Variants in SLC7A14 observed in about 807,000 individuals in gnomAD.
The protein encoded by SLC7A14 is gamma-aminobutyric acid transporter SLC7A14.
SLC7A14 carries 37 observed loss-of-function variants against 60.2 expected under a neutral mutation model. The ratio of observed to expected loss-of-function variants is 0.61; its 90% CI spans 0.47 to 0.81. SLC7A14 has a LOEUF of 0.81. Among genes scored for constraint, SLC7A14 ranks in the 30% least tolerant of loss-of-function variants. The pLI is 0.00. For synonymous variants in SLC7A14, 399 were observed against 395.8 expected, an observed-to-expected ratio of 1.01 and a Z score of -0.10; for missense variants, 886 against 982.7, an observed-to-expected ratio of 0.90 and a Z score of 1.32.
rs1322818537 is a variant in SLC7A14 at position 170,463,097 on chromosome 3, C to T, written c.*3958G>A. ...GTTCCCCAATTATTTCCCACTCTCTCACCCGAGGAAAGCCAGTCAGCTCAG... is the reference window on the plus strand; with the variant it reads ...GTTCCCCAATTATTTCCCACTCTCTTACCCGAGGAAAGCCAGTCAGCTCAG... On this transcript the variant is annotated 3_prime_UTR_variant, in exon 8 of 8. Transcript: ENST00000231706. 1 of 151,912 alleles carries T rather than the reference C, an allele frequency of 6.6e-6. No homozygotes were observed. The highest frequency in any genetic ancestry group is 1.5e-5 in the Non-Finnish European group (1 of 68,044). 9.4% of individuals were successfully genotyped at this position (151,912 alleles called of 1,614,324 possible). A position where few individuals can be genotyped will look rare whatever the true frequency, so the allele number is the denominator to read the frequency against.
intron 1 of SLC7A14, among the ~76,000 whole-genome samples, chr3:170,533,680 G>T (rs865876542): frequency 1.7e-4 from 19 of 109,990 alleles, no homozygotes; most frequent in East Asian, 1.1e-3. Flanking sequence ...TGTGTGTGTG[G>T]TGTGTGTGTG....
intron 4 of SLC7A14, among the ~76,000 whole-genome samples, chr3:170,493,033 A>G (rs1490831414): frequency 6.6e-6 from 1 of 152,192 alleles, no homozygotes; most frequent in African/African-American, 2.4e-5. Context: ...TTCCCCACAA[A>G]TGATTGCTAT....
In SLC7A14 at chr3:170,495,788, C is replaced by G. The variant is rs545821744; in HGVS notation, c.759+2879G>C. On this transcript the variant is annotated intron_variant, in intron 4 of 7. Transcript: ENST00000231706. ...AGGTACGGTTCCTGCAGCAGTAGAACAAGATGCTGGAGACCAAGTGGAGCC... is the reference window on the plus strand; with the variant it reads ...AGGTACGGTTCCTGCAGCAGTAGAAGAAGATGCTGGAGACCAAGTGGAGCC... 1.6e-3 allele frequency: 1,778 copies of G among 1,144,332 alleles called. 6 individuals carry two copies. Among genetic ancestry groups the G allele is most frequent in the Non-Finnish European group, 1.9e-3 (1,445 of 754,250 alleles). 70.9% of individuals were successfully genotyped at this position (1,144,332 alleles called of 1,614,324 possible). A position where few individuals can be genotyped will look rare whatever the true frequency, so the allele number is the denominator to read the frequency against.
At chr3:170,474,689 A>G (rs1182185034) in intron 7 of SLC7A14, among the ~76,000 whole-genome samples, 1 of 152,016 alleles carries the variant, frequency 6.6e-6, no homozygotes, top group Non-Finnish European at 1.5e-5. Flanking sequence ...CTTTGGGTCA[A>G]TTTCCAGTTG....
chr3:170,539,650 A>G lies in SLC7A14; in HGVS notation c.-152-12562T>C, dbSNP rs1577547387. ...GTAGGAATTTTGTATCTAATTATAG[A>G]TAAATTATCTCTATTTAAAAATCCT... On this transcript the variant is annotated intron_variant, in intron 1 of 7. Transcript: ENST00000231706. Among the ~76,000 whole-genome samples, 3 of 152,264 alleles carry G rather than the reference A, an allele frequency of 2.0e-5. No homozygotes were observed. The Middle Eastern group carries it at 0.01, about 518-fold the overall frequency.
rs1185685586 is a variant in SLC7A14, at chr3:170,475,383, C to T, written c.1993+4906G>A. Among the ~76,000 whole-genome samples the T allele has an allele frequency of 2.0e-5, 3 of 152,312 alleles. No individual in the cohort carries two copies. In the East Asian group the frequency reaches 5.8e-4, roughly 29 times the overall value. ...GCAGCTCCATTTAAAAATATCTCTA[C>T]TGTTTTCCCCCAGAAAGTTACACTA... On this transcript the variant is annotated intron_variant, in intron 7 of 7. Coordinates refer to ENST00000231706, the MANE Select transcript of SLC7A14 (RefSeq NM_020949.3).
chr3:170,549,465 C>T (rs572682451), intron 1 of SLC7A14, among the ~76,000 whole-genome samples: 2 of 152,248 alleles, frequency 1.3e-5, no homozygotes, highest in African/African-American at 4.8e-5. Context: ...GCACCCGCCT[C>T]GGCCTCCCAA....
intron 1 of SLC7A14, among the ~76,000 whole-genome samples, chr3:170,558,258 C>T (rs1714542582): frequency 6.6e-6 from 1 of 152,146 alleles, no homozygotes; most frequent in African/African-American, 2.4e-5. Flanking sequence ...ATCCCAGCTG[C>T]TCAGGAGGCT....
chr3:170,489,140 G>A (rs1712133670), intron 4 of SLC7A14, among the ~76,000 whole-genome samples: 4 of 152,196 alleles, frequency 2.6e-5, no homozygotes, highest in Admixed American at 2.0e-4. Context: ...CTTCTGCACA[G>A]CCAAGGATAC....
In SLC7A14 at chr3:170,500,129, A is replaced by G. The variant is rs370051001; in HGVS notation, c.541+980T>C. On this transcript the variant is annotated intron_variant, in intron 3 of 7. Transcript: ENST00000231706. ...TCAACTATTGTTTAGCTTTTCTAGAATGTGAGTTTATCAGGCATCAAGATG... is the reference window on the plus strand; with the variant it reads ...TCAACTATTGTTTAGCTTTTCTAGAGTGTGAGTTTATCAGGCATCAAGATG... 3.9e-5 allele frequency among the ~76,000 whole-genome samples: 6 copies of G among 152,244 alleles called. No homozygotes were observed. The South Asian group carries it at 6.2e-4, about 16-fold the overall frequency.
At chr3:170,470,787 AC>A (rs1739878002) in intron 7 of SLC7A14, among the ~76,000 whole-genome samples, 2 of 152,116 alleles carry the variant, frequency 1.3e-5, no homozygotes, top group Non-Finnish European at 2.9e-5. Context: ...TCCCACATAA[AC>A]AAGGGCTTTG....
Position 170,521,780 on chromosome 3 carries a change from G to A in SLC7A14, c.304+4853C>T, listed in dbSNP as rs1478950017. Among the ~76,000 whole-genome samples the A allele has an allele frequency of 2.0e-5, 3 of 152,162 alleles. No homozygotes were observed. The East Asian group carries it at 5.8e-4, about 29-fold the overall frequency. On this transcript the variant is annotated intron_variant, in intron 2 of 7. Coordinates refer to ENST00000231706, the MANE Select transcript of SLC7A14 (RefSeq NM_020949.3). ...AACTACAAATACAAAAATTAGCCAT[G>A]TGTGATGTCATGCACCTGTAGTCCC...
intron 1 of SLC7A14, among the ~76,000 whole-genome samples, chr3:170,558,125 T>G (rs569482446): frequency 6.6e-6 from 1 of 152,192 alleles, no homozygotes; most frequent in African/African-American, 2.4e-5. Flanking sequence ...CCCAGCACTT[T>G]AGGAGGCCGA....
At position 170,467,232 on chromosome 3, in the gene SLC7A14, C is replaced by CA; in HGVS notation, c.2138_2139insT (p.Glu713AspfsTer13). 11 of 1,614,278 alleles carry CA rather than the reference C, an allele frequency of 6.8e-6. No individual in the cohort carries two copies. Among genetic ancestry groups the CA allele is most frequent in the Non-Finnish European group, 9.3e-6 (11 of 1,180,050 alleles). ...CGCCCCAGTCCTCCTGGCTCTCGCC[C>CA]TCTGTGGCGTAGGAGAAACCCTCCT... On this transcript the variant is annotated frameshift_variant, in exon 8 of 8. Transcript: ENST00000231706. LOFTEE classifies it high-confidence loss of function.
chr3:170,537,193 G>A (rs1713874857), intron 1 of SLC7A14, among the ~76,000 whole-genome samples: 1 of 152,146 alleles, frequency 6.6e-6, no homozygotes, highest in Non-Finnish European at 1.5e-5. Context: ...GTACCTTCCG[G>A]AAGTTCCAGG....
chr3:170,470,308 ATG>A (rs60682275), intron 7 of SLC7A14, among the ~76,000 whole-genome samples: 3,475 of 143,486 alleles, frequency 0.024, 67 homozygotes, highest in South Asian at 0.06. Flanking sequence ...TGGAAGGAAC[ATG>A]TGTGTGTGTG....
At chr3:170,560,169 C>T (rs1714606869) in intron 1 of SLC7A14, among the ~76,000 whole-genome samples, 1 of 152,060 alleles carries the variant, frequency 6.6e-6, no homozygotes, top group African/African-American at 2.4e-5. Flanking sequence ...GAAAACCTAC[C>T]TTCAACAGAA....
At position 170,461,147 on chromosome 3, in the gene SLC7A14, C is replaced by G. The variant is rs1459999415; in HGVS notation, c.*5908G>C. On this transcript the variant is annotated 3_prime_UTR_variant, in exon 8 of 8. Transcript: ENST00000231706. ...CAGGCTGGTCTTGAACTCCTGGCCT[C>G]AGGTGATCCACCCGCCTCGGCCTCC... is the stretch of plus-strand genomic sequence containing the variant. 6.6e-6 allele frequency: 1 copy of G among 152,292 alleles called. No homozygotes were observed. The highest frequency in any genetic ancestry group is 1.5e-5 in the Non-Finnish European group (1 of 68,130). The allele number at this position is 152,292 out of a possible 1,614,324, so 9.4% of individuals were successfully genotyped here.
rs146004917 is a variant in SLC7A14 at position 170,549,383 on chromosome 3, A to G, written c.-152-22295T>C. Among the ~76,000 whole-genome samples the G allele has an allele frequency of 2.8e-3, 426 of 151,944 alleles. 2 individuals are homozygous for G. The highest frequency in any genetic ancestry group is 0.017 in the Middle Eastern group (5 of 294). ...GCGCGCACCACCACACCTGGCTAAC[A>G]TTTTGTATTTTTGTAGAGACAGGGT... On this transcript the variant is annotated intron_variant, in intron 1 of 7. Coordinates refer to ENST00000231706, the MANE Select transcript of SLC7A14 (RefSeq NM_020949.3).
Sources: allele counts gnomAD v4.1 joint callset (sites outside exome capture counted in the v4.1 genomes callset), GRCh38; gene constraint gnomAD v4.1.1; transcripts MANE v1.5; gene names NCBI Gene and HGNC (gene_info 2026-07-23, HGNC 2026-07-21).